WASF3: variants seen among roughly 807,000 people sequenced by gnomAD.
WASF3 encodes the protein actin-binding protein WASF3.
WASF3 carries 11 observed loss-of-function variants against 46.6 expected under a neutral mutation model. That is an observed-to-expected ratio of 0.24 (90% confidence interval 0.15 to 0.39). The LOEUF is 0.39. Ranked by LOEUF, WASF3 falls within the 10% of genes least tolerant of loss-of-function variation. WASF3 has a pLI of 1.00. For missense variants in WASF3, 576 were observed against 669.8 expected, an observed-to-expected ratio of 0.86 and a Z score of 1.55; for synonymous variants, 242 against 259.7, an observed-to-expected ratio of 0.93 and a Z score of 0.65.
chr13:26,648,829 G>A (rs1292802462), intron 3 of WASF3, among the ~76,000 whole-genome samples: 1 of 152,116 alleles, frequency 6.6e-6, no homozygotes, highest in African/African-American at 2.4e-5. Context: ...AGAATTGATG[G>A]CAAGTATAAG....
At chr13:26,646,792 G>A (rs568624639) in intron 3 of WASF3, among the ~76,000 whole-genome samples, 1 of 152,200 alleles carries the variant, frequency 6.6e-6, no homozygotes, top group Admixed American at 6.5e-5. Context: ...AATTGTTCTA[G>A]GGAAGGAAAA....
chr13:26,595,550 T>A (rs1880434899), intron 1 of WASF3, among the ~76,000 whole-genome samples: 1 of 152,114 alleles, frequency 6.6e-6, no homozygotes, highest in South Asian at 2.1e-4. Flanking sequence ...GTGTGTAAAG[T>A]TCTCTGCAGT....
chr13:26,593,470 ATTG>A (rs1410516786), intron 1 of WASF3, among the ~76,000 whole-genome samples: 2 of 152,138 alleles, frequency 1.3e-5, no homozygotes, highest in Admixed American at 6.5e-5. Flanking sequence ...GTTTTAAATT[ATTG>A]TTATTATTAT....
rs569961301 is a variant in WASF3, at chr13:26,629,767, A to C, written c.-10-12494A>C. On this transcript the variant is annotated intron_variant, in intron 2 of 9. Transcript: ENST00000335327. ...ATGTCCCATTTCTATTTTATGGTCA[A>C]CTGCTGCTAGTTTGAATTAATAACT... Among the ~76,000 whole-genome samples the C allele has an allele frequency of 3.3e-5, 5 of 152,034 alleles. No homozygotes were observed. In the East Asian group the frequency reaches 5.8e-4, roughly 18 times the overall value.
chr13:26,631,125 G>A (rs2137261064), intron 2 of WASF3, among the ~76,000 whole-genome samples: 1 of 152,246 alleles, frequency 6.6e-6, no homozygotes, highest in Non-Finnish European at 1.5e-5. Flanking sequence ...TCTGATGGTA[G>A]TTTCTTTTGC....
At chr13:26,680,287 C>A in intron 7 of WASF3, 2 of 1,418,086 alleles carry the variant, frequency 1.4e-6, no homozygotes, top group Non-Finnish European at 1.9e-6. Flanking sequence ...CCCTCCTGGC[C>A]ACATGTCCTG....
At chr13:26,566,405 A>T (rs2137146235) in intron 1 of WASF3, among the ~76,000 whole-genome samples, 1 of 152,368 alleles carries the variant, frequency 6.6e-6, no homozygotes, top group Admixed American at 6.5e-5. Context: ...AATCAAGAAT[A>T]TATAAAGACC....
chr13:26,578,676 C>T (rs1380105340), intron 1 of WASF3, among the ~76,000 whole-genome samples: 1 of 152,134 alleles, frequency 6.6e-6, no homozygotes, highest in Non-Finnish European at 1.5e-5. Context: ...CTGCTCCTTC[C>T]CTCTCCTGTC....
At chr13:26,603,705 C>T (rs1186633962) in intron 1 of WASF3, among the ~76,000 whole-genome samples, 1 of 152,100 alleles carries the variant, frequency 6.6e-6, no homozygotes, top group Non-Finnish European at 1.5e-5. Context: ...AGGGAAACCT[C>T]TTTTATACTT....
intron 1 of WASF3, among the ~76,000 whole-genome samples, chr13:26,601,540 C>T (rs1377694851): frequency 6.6e-6 from 1 of 152,184 alleles, no homozygotes; most frequent in East Asian, 1.9e-4. Context: ...CTCCTGCCTT[C>T]AGGGTTGACA....
At chr13:26,620,500 T>C (rs1044371568) in intron 2 of WASF3, 1 of 152,178 alleles carries the variant, frequency 6.6e-6, no homozygotes. Context: ...TAAAGATTAA[T>C]TGAAGCATAG....
At chr13:26,619,113 C>T (rs1405082958) in intron 2 of WASF3, 1 of 152,148 alleles carries the variant, frequency 6.6e-6, no homozygotes, top group African/African-American at 2.4e-5. Flanking sequence ...TATTCTATTT[C>T]TATAATCTTC....
chr13:26,569,197 A>G (rs1340186578), intron 1 of WASF3, among the ~76,000 whole-genome samples: 4 of 152,064 alleles, frequency 2.6e-5, no homozygotes, highest in Non-Finnish European at 5.9e-5. Context: ...TTTTTTTTGT[A>G]CTTTCTCTGC....
chr13:26,551,534 G>C, the WASF3 span, among the ~76,000 whole-genome samples: 1 of 152,148 alleles, frequency 6.6e-6, no homozygotes, highest in Non-Finnish European at 1.5e-5. Context: ...CTAGTCTCTG[G>C]CCTCAAATAA....
In WASF3 at chr13:26,624,210, GTATTGAA is replaced by G. The variant is rs530078530; in HGVS notation, c.-11+11153_-11+11159del. On this transcript the variant is annotated intron_variant, in intron 2 of 9. Coordinates refer to ENST00000335327, the MANE Select transcript of WASF3 (RefSeq NM_006646.6). The stretch of plus-strand genomic sequence containing the variant: ...GAACTTAAAAATAACTGTGATTAAT[GTATTGAA>G]AAATGTATTGAGAAAAGTCTATATC... Among the ~76,000 whole-genome samples, 8 of 152,266 alleles carry G rather than the reference GTATTGAA, an allele frequency of 5.3e-5. No individual in the cohort carries two copies. In the East Asian group the frequency reaches 1.5e-3, roughly 29 times the overall value.
intron 3 of WASF3, among the ~76,000 whole-genome samples, chr13:26,647,841 T>A (rs774128380): frequency 6.6e-5 from 10 of 151,856 alleles, no homozygotes; most frequent in Non-Finnish European, 1.0e-4. Flanking sequence ...CACAAAAGAG[T>A]CAACTTTACA....
chr13:26,613,537 A>T (rs1881041691), intron 2 of WASF3, among the ~76,000 whole-genome samples: 1 of 152,172 alleles, frequency 6.6e-6, no homozygotes. Flanking sequence ...TGGGAGGCCG[A>T]GGTGGGTGGA....
At chr13:26,565,909 A>G (rs1429173566) in intron 1 of WASF3, among the ~76,000 whole-genome samples, 3 of 152,214 alleles carry the variant, frequency 2.0e-5, no homozygotes, top group Non-Finnish European at 4.4e-5. Flanking sequence ...TCCATTTCTG[A>G]CATGTCCAGT....
upstream of WASF3, among the ~76,000 whole-genome samples, chr13:26,556,157 G>C (rs1879092220): frequency 6.6e-6 from 1 of 152,164 alleles, no homozygotes; most frequent in South Asian, 2.1e-4. Context: ...GAACACTTTG[G>C]GATGATGTGT....
Sources: allele counts gnomAD v4.1 joint callset (sites outside exome capture counted in the v4.1 genomes callset), GRCh38; gene constraint gnomAD v4.1.1; transcripts MANE v1.5; gene names NCBI Gene and HGNC (gene_info 2026-07-23, HGNC 2026-07-21).